The following LRRIQ3 variants were observed in gnomAD, a reference collection of about 807,000 sequenced individuals.
LRRIQ3 encodes the protein leucine-rich repeat and IQ domain-containing protein 3.
LRRIQ3 carries 75 observed loss-of-function variants against 59.3 expected under a neutral mutation model. The ratio of observed to expected loss-of-function variants is 1.26; its 90% CI spans 1.05 to 1.53. The LOEUF (loss-of-function observed/expected upper bound fraction) is 1.53, where lower values mean the gene tolerates loss of function less well. Ranked by LOEUF, LRRIQ3 falls within the 40% of genes most tolerant of loss-of-function variation. The pLI is 0.00. For missense variants in LRRIQ3, 831 were observed against 710.0 expected, an observed-to-expected ratio of 1.17 and a Z score of -1.94; for synonymous variants, 250 against 231.3, an observed-to-expected ratio of 1.08 and a Z score of -0.73.
At chr1:74,180,076 A>G (rs1649886362) in intron 3 of LRRIQ3, 1 of 151,946 alleles carries the variant, frequency 6.6e-6, no homozygotes, top group South Asian at 2.1e-4. Flanking sequence ...TTCTCAGTAA[A>G]GGTTCTATAC....
intron 4 of LRRIQ3, among the ~76,000 whole-genome samples, chr1:74,153,389 C>A (rs1648107719): frequency 6.6e-6 from 1 of 152,050 alleles, no homozygotes; most frequent in South Asian, 2.1e-4. Context: ...ATTTCTCATG[C>A]CTAGAAATAG....
rs200962417 is a variant in LRRIQ3 at position 74,154,431 on chromosome 1, G to A, written c.707+1302C>T. On this transcript the variant is annotated intron_variant, in intron 4 of 7. Transcript: ENST00000354431. ...GCATAGATAAGTAATGTAACTAATG[G>A]AACAGAGCTTTAAAGAGAGAGAAAA... Among the ~76,000 whole-genome samples, 32 of 151,822 alleles carry A rather than the reference G, an allele frequency of 2.1e-4. 1 individual carries two copies. Among genetic ancestry groups the A allele is most frequent in the East Asian group, 1.2e-3 (6 of 5,156 alleles).
intron 4 of LRRIQ3, among the ~76,000 whole-genome samples, chr1:74,113,226 T>C (rs190623032): frequency 6.6e-6 from 1 of 152,026 alleles, no homozygotes; most frequent in East Asian, 1.9e-4. Flanking sequence ...CTCAACAGAT[T>C]ATGCTGAAAA....
chr1:74,081,785 A>T (rs538953547), intron 5 of LRRIQ3: 23 of 151,498 alleles, frequency 1.5e-4, no homozygotes, highest in Non-Finnish European at 3.0e-4. Flanking sequence ...ATTAAAAATA[A>T]TTCTATATCT....
At chr1:74,033,274 T>A (rs1653773322) in intron 7 of LRRIQ3, among the ~76,000 whole-genome samples, 1 of 152,160 alleles carries the variant, frequency 6.6e-6, no homozygotes, top group Non-Finnish European at 1.5e-5. Context: ...GTAAGGAACA[T>A]TTTAGCATAA....
intron 5 of LRRIQ3, 91 bp downstream of exon 5, chr1:74,109,303 T>C: frequency 1.1e-6 from 1 of 924,098 alleles, no homozygotes; most frequent in Non-Finnish European, 1.6e-6. Flanking sequence ...GGACATTTAA[T>C]AGAGACTGAA....
At chr1:74,054,233 G>A (rs745381678) in intron 6 of LRRIQ3, among the ~76,000 whole-genome samples, 5 of 151,194 alleles carry the variant, frequency 3.3e-5, no homozygotes, top group Middle Eastern at 3.4e-3. Flanking sequence ...AAAAAACCAC[G>A]AAAAATAAAT....
chr1:74,049,575 AT>A (rs1654301461), intron 6 of LRRIQ3, among the ~76,000 whole-genome samples: 3 of 152,194 alleles, frequency 2.0e-5, no homozygotes, highest in African/African-American at 7.2e-5. Context: ...GAATGGTAGC[AT>A]TTTGGCTTGA....
At chr1:74,037,197 G>A (rs1296207195) in intron 7 of LRRIQ3, among the ~76,000 whole-genome samples, 6 of 152,086 alleles carry the variant, frequency 3.9e-5, no homozygotes, top group Non-Finnish European at 7.3e-5. Flanking sequence ...AAGATGGAGT[G>A]AATAATACAA....
intron 6 of LRRIQ3, among the ~76,000 whole-genome samples, chr1:74,051,180 G>T (rs1361712660): frequency 6.6e-6 from 1 of 152,058 alleles, no homozygotes; most frequent in Non-Finnish European, 1.5e-5. Flanking sequence ...TGGGAAAATT[G>T]TAACACATTA....
chr1:74,190,364 G>A (rs1329624662), intron 1 of LRRIQ3, among the ~76,000 whole-genome samples: 1 of 151,792 alleles, frequency 6.6e-6, no homozygotes, highest in Non-Finnish European at 1.5e-5. Flanking sequence ...CATTATAACA[G>A]AAATGAAGAA....
At chr1:74,170,602 G>A (rs562305073) in intron 3 of LRRIQ3, among the ~76,000 whole-genome samples, 4 of 152,190 alleles carry the variant, frequency 2.6e-5, no homozygotes, top group African/African-American at 9.6e-5. Flanking sequence ...TAAGTGTGAT[G>A]CCTCCAGCTT....
intron 5 of LRRIQ3, among the ~76,000 whole-genome samples, chr1:74,075,436 G>C (rs577693066): frequency 1.3e-5 from 2 of 152,026 alleles, no homozygotes; most frequent in Admixed American, 1.3e-4. Flanking sequence ...GTGTGGTGGT[G>C]CATGCCTGTA....
intron 6 of LRRIQ3, among the ~76,000 whole-genome samples, chr1:74,064,503 C>T (rs1336309486): frequency 2.0e-5 from 3 of 151,942 alleles, no homozygotes; most frequent in Non-Finnish European, 2.9e-5. Context: ...TTTATTAGCA[C>T]TCTGTTTTTT....
intron 6 of LRRIQ3, chr1:74,050,414 A>T: frequency 3.5e-6 from 2 of 573,220 alleles, no homozygotes; most frequent in Non-Finnish European, 2.2e-6. Flanking sequence ...CTCTCAACTT[A>T]AGAGCAAAAC....
Position 74,041,766 on chromosome 1 carries a change from G to C in LRRIQ3, c.1165C>G (p.His389Asp), listed in dbSNP as rs78657023. 6.9e-3 allele frequency: 11,186 copies of C among 1,613,584 alleles called. 273 individuals are homozygous for C. Among genetic ancestry groups the C allele is most frequent in the Admixed American group, 0.053 (3,176 of 59,976 alleles). The part of the protein sequence containing the change: ...PAYPQPIYTT[H>D]PKPIIKKDIR... ...TCTTTTTTAATGATTGGCTTTGGAT[G>C]AGTAGTATAGATTGGCTGAGGATAT... Residue 389 changes from histidine (H) to aspartate (D), a missense_variant, in exon 7 of 8, where the codon CAT becomes GAT. By Grantham distance (81) the His-to-Asp change is moderately conservative. Coordinates refer to ENST00000354431, the MANE Select transcript of LRRIQ3 (RefSeq NM_001105659.2).
chr1:74,157,441 A>T (rs1648404936), intron 3 of LRRIQ3, among the ~76,000 whole-genome samples: 3 of 152,160 alleles, frequency 2.0e-5, no homozygotes, highest in Admixed American at 2.0e-4. Flanking sequence ...TATAAAGATG[A>T]TATAACTTTA....
intron 5 of LRRIQ3, chr1:74,078,543 T>C (rs1557605114): frequency 6.6e-6 from 1 of 151,876 alleles, no homozygotes; most frequent in Non-Finnish European, 1.5e-5. Flanking sequence ...TATTATATTA[T>C]ATTTATAAAA....
intron 3 of LRRIQ3, chr1:74,181,018 C>G (rs1347506160): frequency 2.1e-6 from 1 of 486,690 alleles, no homozygotes; most frequent in African/African-American, 2.0e-5. Flanking sequence ...TTAATGAGGA[C>G]AAGAATTTTG....
Sources: allele counts gnomAD v4.1 joint callset (sites outside exome capture counted in the v4.1 genomes callset), GRCh38; gene constraint gnomAD v4.1.1; transcripts MANE v1.5; gene names NCBI Gene and HGNC (gene_info 2026-07-23, HGNC 2026-07-21).